IL1RAPL1: variants seen among roughly 807,000 people sequenced by gnomAD.
IL1RAPL1 encodes interleukin 1 receptor accessory protein like 1.
A neutral mutation model predicts 48.4 loss-of-function variants in IL1RAPL1; 3 were observed. The ratio of observed to expected loss-of-function variants is 0.06; its 90% CI spans 0.03 to 0.16. The LOEUF is 0.16. IL1RAPL1 is among the 10% of genes least tolerant of loss of function. IL1RAPL1 has a pLI of 1.00. For synonymous variants in IL1RAPL1, 185 were observed against 187.7 expected (o/e 0.99, Z 0.12); for missense variants, 349 against 530.6 (o/e 0.66, Z 3.36).
chrX:29,265,263 TATATAATATGAATTATGAATATTATGA>T (rs767062427), intron 2 of IL1RAPL1, among the ~76,000 whole-genome samples: 6 of 109,659 alleles, frequency 5.5e-5, no homozygotes, highest in East Asian at 2.8e-4. Flanking sequence ...ATGAATATAA[TATATAATATGAATTATGAATATTATGA>T]ATATAATATG....
chrX:29,919,906 T>G (rs1256390955), intron 7 of IL1RAPL1, 43 bp from the exon 8 acceptor site: 1 of 1,129,411 alleles, frequency 8.9e-7, no homozygotes, highest in Non-Finnish European at 1.2e-6. Context: ...TTTGTGTATG[T>G]GTCTGTTTGT....
chrX:28,931,583 TA>T (rs1293984425), intron 2 of IL1RAPL1, among the ~76,000 whole-genome samples: 2 of 112,041 alleles, frequency 1.8e-5, no homozygotes, highest in Non-Finnish European at 3.8e-5. Flanking sequence ...TAATGAGGTA[TA>T]AATTATTAAA....
chrX:29,809,157 T>G (rs774860474), intron 6 of IL1RAPL1, among the ~76,000 whole-genome samples: 2 of 107,355 alleles, frequency 1.9e-5, no homozygotes, highest in African/African-American at 6.8e-5. Context: ...GAGTGCAATG[T>G]TGAAATCTCA....
intron 6 of IL1RAPL1, among the ~76,000 whole-genome samples, chrX:29,786,603 G>C (rs1188416442): frequency 1.8e-5 from 2 of 111,671 alleles, no homozygotes; most frequent in African/African-American, 6.5e-5. Context: ...GATCTCTTTT[G>C]TTTAATGTGT....
intron 2 of IL1RAPL1, among the ~76,000 whole-genome samples, chrX:29,153,557 A>G (rs1023843985): frequency 8.9e-6 from 1 of 112,392 alleles, no homozygotes; most frequent in East Asian, 2.8e-4. Flanking sequence ...CTCATAATGT[A>G]TATTTCGTTT....
intron 1 of IL1RAPL1, among the ~76,000 whole-genome samples, chrX:28,765,584 AC>A (rs907911563): frequency 3.6e-5 from 4 of 111,462 alleles, no homozygotes; most frequent in African/African-American, 1.3e-4. Context: ...TGGTGACAAT[AC>A]TTTTTTGGTA....
chrX:29,918,144 A>AAATATATATATATAT (rs1555935868), intron 7 of IL1RAPL1, among the ~76,000 whole-genome samples: 1 of 23,759 alleles, frequency 4.2e-5, no homozygotes, highest in Non-Finnish European at 6.6e-5. Context: ...AAAAAAAAAA[A>AAATATATATATATAT]ATATATATAT....
intron 5 of IL1RAPL1, among the ~76,000 whole-genome samples, chrX:29,629,939 A>T (rs774827073): frequency 8.9e-6 from 1 of 112,339 alleles, no homozygotes; most frequent in South Asian, 3.7e-4. Flanking sequence ...CACTTAATGT[A>T]TCAGGAGGAT....
At chrX:29,721,671 T>C (rs1194867768) in intron 6 of IL1RAPL1, among the ~76,000 whole-genome samples, 1 of 111,665 alleles carries the variant, frequency 9.0e-6, no homozygotes, top group African/African-American at 3.3e-5. Context: ...ATTTCACTCT[T>C]AAGTCACAAG....
chrX:28,902,194 T>TA (rs1473079891), intron 2 of IL1RAPL1, among the ~76,000 whole-genome samples: 1 of 108,358 alleles, frequency 9.2e-6, no homozygotes, highest in African/African-American at 3.4e-5. Context: ...CTTTAATTAC[T>TA]ACAGTTTGGT....
chrX:28,885,117 CA>C (rs915401313), intron 2 of IL1RAPL1, among the ~76,000 whole-genome samples: 11 of 110,083 alleles, frequency 1.0e-4, no homozygotes, highest in African/African-American at 2.6e-4. Flanking sequence ...CAAATAGATG[CA>C]AAAAAAATGC....
At chrX:28,725,986 C>G (rs1394291981) in intron 1 of IL1RAPL1, among the ~76,000 whole-genome samples, 1 of 112,325 alleles carries the variant, frequency 8.9e-6, no homozygotes, top group Non-Finnish European at 1.9e-5. Flanking sequence ...TTTCTGAAGT[C>G]TATGTTTATT....
At chrX:29,423,595 A>G (rs1934317077) in intron 5 of IL1RAPL1, among the ~76,000 whole-genome samples, 1 of 112,255 alleles carries the variant, frequency 8.9e-6, no homozygotes, top group Admixed American at 9.4e-5. Flanking sequence ...ATTTTATAAG[A>G]TAGATAAAAA....
intron 2 of IL1RAPL1, among the ~76,000 whole-genome samples, chrX:29,087,206 C>T (rs1057266507): frequency 9.8e-5 from 10 of 102,253 alleles, no homozygotes; most frequent in South Asian, 4.6e-4. Flanking sequence ...GGCACAATCT[C>T]GGCTCACTGC....
chrX:29,167,927 C>A (rs768194075), intron 2 of IL1RAPL1, among the ~76,000 whole-genome samples: 1 of 110,803 alleles, frequency 9.0e-6, no homozygotes, highest in Non-Finnish European at 1.9e-5. Flanking sequence ...GAAGGATTGT[C>A]AAATGGAAGT....
Position 29,955,974 on chromosome X carries a change from A to G in IL1RAPL1, c.*154A>G. On this transcript the variant is annotated 3_prime_UTR_variant, in exon 11 of 11. Transcript: ENST00000378993. Reference sequence around the variant, plus strand: ...GGGTCTTGTACATATGTTTTTTGGAATTTCTTTGTAGCATCAGTGTCCTCC... The same window carrying G: ...GGGTCTTGTACATATGTTTTTTGGAGTTTCTTTGTAGCATCAGTGTCCTCC... 1 of 494,869 alleles carries G rather than the reference A, an allele frequency of 2.0e-6. No individual in the cohort carries two copies. Among genetic ancestry groups the G allele is most frequent in the East Asian group, 3.7e-5 (1 of 27,281 alleles). The allele number at this position is 494,869 out of a possible 1,213,427, so 40.8% of individuals were successfully genotyped here.
At chrX:29,415,424 T>A (rs1204475711) in intron 5 of IL1RAPL1, among the ~76,000 whole-genome samples, 2 of 110,549 alleles carry the variant, frequency 1.8e-5, no homozygotes, top group Non-Finnish European at 3.8e-5. Flanking sequence ...ATTTTGTTTT[T>A]TTTTTTCTTT....
Position 28,759,238 on chromosome X carries a change from C to CAA in IL1RAPL1, c.-24-30071_-24-30070dup, listed in dbSNP as rs34245672. On this transcript the variant is annotated intron_variant, in intron 1 of 10. Transcript: ENST00000378993. ...GGGCAGCAAGAGTGAAACTCCATCT[C>CAA]AAAAAAAAAAAATAATAATAATATA... Among the ~76,000 whole-genome samples the CAA allele has an allele frequency of 1.3e-3, 125 of 98,602 alleles. 1 individual carries two copies. Among genetic ancestry groups the CAA allele is most frequent in the East Asian group, 5.7e-3 (18 of 3,132 alleles). 85.6% of individuals were successfully genotyped at this position (98,602 alleles called of 115,157 possible).
At chrX:29,861,663 C>T (rs192046603) in intron 6 of IL1RAPL1, among the ~76,000 whole-genome samples, 17 of 109,681 alleles carry the variant, frequency 1.5e-4, no homozygotes, top group Non-Finnish European at 3.0e-4. Flanking sequence ...CCTCATGTAA[C>T]CAAAATACCA....
Sources: gnomAD v4.1 joint callset for allele counts (sites outside exome capture counted in the v4.1 genomes callset) on GRCh38, gnomAD v4.1.1 for gene constraint, MANE v1.5 for transcripts, NCBI Gene and HGNC (gene_info 2026-07-23, HGNC 2026-07-21) for gene names.